Variants in WFDC3 observed in about 807,000 individuals in gnomAD.
WFDC3 encodes WAP four-disulfide core domain 3.
WFDC3 carries 15 observed loss-of-function variants against 25.8 expected under a neutral mutation model. The ratio of observed to expected loss-of-function variants is 0.58; its 90% confidence interval spans 0.39 to 0.89. WFDC3 has a LOEUF of 0.89. Among genes scored for constraint, WFDC3 ranks in the 40% least tolerant of loss-of-function variants. The pLI is 0.00. For missense variants in WFDC3, 264 were observed against 289.8 expected (o/e 0.91, Z 0.65); for synonymous variants, 103 against 107.1 (o/e 0.96, Z 0.24).
At chr20:45,782,754 C>G (rs1980505735) in intron 4 of WFDC3, among the ~76,000 whole-genome samples, 1 of 152,206 alleles carries the variant, frequency 6.6e-6, no homozygotes, top group Non-Finnish European at 1.5e-5. Flanking sequence ...CCACAATAGC[C>G]TCCTAACTGG....
At chr20:45,787,709 T>TC in intron 4 of WFDC3, 127 bp downstream of exon 4, 1 of 1,219,704 alleles carries the variant, frequency 8.2e-7, no homozygotes, top group Non-Finnish European at 1.1e-6. Context: ...GCACCCTTTG[T>TC]ATATCTTTTT....
intron 4 of WFDC3, among the ~76,000 whole-genome samples, chr20:45,777,618 A>C (rs1017196283): frequency 1.3e-5 from 2 of 152,182 alleles, no homozygotes; most frequent in African/African-American, 4.8e-5. Context: ...TCCTGTGCTC[A>C]AGGGATCCTC....
At chr20:45,783,469 C>A (rs183198285) in intron 4 of WFDC3, among the ~76,000 whole-genome samples, 2 of 151,896 alleles carry the variant, frequency 1.3e-5, no homozygotes, top group Admixed American at 6.6e-5. Context: ...TAGAGTGAGA[C>A]CTTGTCCCAG....
intron 5 of WFDC3, 85 bp from the exon 6 acceptor site, chr20:45,775,687 C>T: frequency 6.5e-7 from 1 of 1,548,544 alleles, no homozygotes; most frequent in African/African-American, 1.4e-5. Context: ...CACACAGAGG[C>T]TCTAGGTCAA....
At chr20:45,787,095 A>T (rs926300057) in intron 4 of WFDC3, among the ~76,000 whole-genome samples, 10 of 126,040 alleles carry the variant, frequency 7.9e-5, no homozygotes, top group Non-Finnish European at 1.7e-4. Context: ...CTCTCTCTCA[A>T]AAAAAAAAAA....
intron 4 of WFDC3, among the ~76,000 whole-genome samples, chr20:45,784,666 G>C (rs1172054468): frequency 6.6e-6 from 1 of 152,136 alleles, no homozygotes. Flanking sequence ...GCTTGAACCT[G>C]GGAGGTGGAG....
At chr20:45,786,762 G>A (rs1980683828) in intron 4 of WFDC3, among the ~76,000 whole-genome samples, 1 of 152,076 alleles carries the variant, frequency 6.6e-6, no homozygotes, top group Non-Finnish European at 1.5e-5. Context: ...TTTCCCACAG[G>A]AGACAGCCCC....
intron 4 of WFDC3, among the ~76,000 whole-genome samples, chr20:45,785,626 T>C (rs1412459603): frequency 6.6e-6 from 1 of 151,680 alleles, no homozygotes; most frequent in East Asian, 1.9e-4. Flanking sequence ...GGAAGAAAAA[T>C]AGATAATATT....
rs1276740381 is a variant in WFDC3, at chr20:45,775,547, C to T, written c.549G>A (p.Val183=). The change falls in exon 6 of 7, where the codon GTG becomes GTA. Residue 183 remains valine, a synonymous_variant. Transcript: ENST00000243938. Reference sequence around the variant, plus strand: ...CTCCAGCTTGACAATTCTCATCCATCACACAGCCAACAATGCACAGGCCCA... The same window carrying T: ...CTCCAGCTTGACAATTCTCATCCATTACACAGCCAACAATGCACAGGCCCA... ...VLVGLCIVGC[V]MDENCQAGEK... The T allele has an allele frequency of 2.5e-6, 4 of 1,614,078 alleles. No individual in the cohort carries two copies. Among genetic ancestry groups the T allele is most frequent in the Non-Finnish European group, 3.4e-6 (4 of 1,180,052 alleles).
chr20:45,789,505 C>CAAAA (rs112440465), intron 2 of WFDC3, among the ~76,000 whole-genome samples: 3 of 134,924 alleles, frequency 2.2e-5, no homozygotes, highest in Admixed American at 7.4e-5. Flanking sequence ...GACTCCATCT[C>CAAAA]AAAAAAAAAA....
At chr20:45,788,197 G>C (rs907372890) in intron 3 of WFDC3, 1 of 354,140 alleles carries the variant, frequency 2.8e-6, no homozygotes, top group Non-Finnish European at 5.1e-6. Context: ...CCAGCTACTT[G>C]GGAGGCTGAG....
intron 2 of WFDC3, among the ~76,000 whole-genome samples, chr20:45,789,294 C>G (rs1980834119): frequency 6.6e-6 from 1 of 151,546 alleles, no homozygotes; most frequent in South Asian, 2.1e-4. Flanking sequence ...ATCATGAGGT[C>G]AGGAGATCGA....
At chr20:45,776,564 C>T (rs1980166238) in intron 5 of WFDC3, among the ~76,000 whole-genome samples, 2 of 135,476 alleles carry the variant, frequency 1.5e-5, no homozygotes, top group African/African-American at 5.7e-5. Flanking sequence ...CGCCACTACA[C>T]TCTAGCCTGG....
chr20:45,780,213 C>T (rs1186497858), intron 4 of WFDC3, among the ~76,000 whole-genome samples: 7 of 151,790 alleles, frequency 4.6e-5, no homozygotes, highest in Non-Finnish European at 1.0e-4. Context: ...AGTAGCTGAA[C>T]TATAGGCACA....
At chr20:45,789,470 C>CA (rs1980844862) in intron 2 of WFDC3, among the ~76,000 whole-genome samples, 1 of 148,934 alleles carries the variant, frequency 6.7e-6, no homozygotes, top group African/African-American at 2.5e-5. Flanking sequence ...CACGCCACTG[C>CA]ACTCCAGCCT....
At chr20:45,786,804 T>G (rs74274791) in intron 4 of WFDC3, among the ~76,000 whole-genome samples, 1,724 of 151,998 alleles carry the variant, frequency 0.011, 50 homozygotes, top group East Asian at 0.085. Context: ...CATAAGAATC[T>G]CAGGAGCAGG....
rs150343026 is a variant in WFDC3, at chr20:45,783,874, G to C, written c.358+3962C>G. Among the ~76,000 whole-genome samples, 8 of 152,290 alleles carry C rather than the reference G, an allele frequency of 5.3e-5. No individual in the cohort carries two copies. The East Asian group carries it at 1.4e-3, about 26-fold the overall frequency. Reference sequence around the variant, plus strand: ...GGGTGAGTAGCCTAGCCCTCCCCTAGGGCTGGAGCTATACAAAAGTAGTTA... The same window carrying C: ...GGGTGAGTAGCCTAGCCCTCCCCTACGGCTGGAGCTATACAAAAGTAGTTA... On this transcript the variant is annotated intron_variant, in intron 4 of 6. Transcript: ENST00000243938.
chr20:45,776,658 A>ATGTGTGTGTGTGTG (rs1226207681), intron 5 of WFDC3, among the ~76,000 whole-genome samples: 5 of 95,294 alleles, frequency 5.2e-5, no homozygotes, highest in African/African-American at 1.4e-4. Context: ...ATATATATAT[A>ATGTGTGTGTGTGTG]TATGTGTGTG....
rs138614082 is a variant in WFDC3, at chr20:45,777,237, A to T, written c.359-28T>A. The T allele has an allele frequency of 1.6e-4, 241 of 1,474,954 alleles. 1 individual carries two copies. In the African/African-American group the frequency reaches 2.9e-3, roughly 18 times the overall value. 91.4% of individuals were successfully genotyped at this position (1,474,954 alleles called of 1,614,324 possible). On this transcript the variant is annotated intron_variant, in intron 4 of 6. Coordinates refer to ENST00000243938, the MANE Select transcript of WFDC3 (RefSeq NM_080614.2). ...ACATAATCAAAGCATTGGAGCCCAG[A>T]GACGCTCACAATATGAAACACATTT...
Sources: allele counts gnomAD v4.1 joint callset (sites outside exome capture counted in the v4.1 genomes callset), GRCh38; gene constraint gnomAD v4.1.1; transcripts MANE v1.5; gene names NCBI Gene and HGNC (gene_info 2026-07-23, HGNC 2026-07-21).